The following NXN variants were observed in gnomAD, a reference collection of about 807,000 sequenced individuals.
NXN encodes the protein nucleoredoxin 1.
NXN carries 16 observed loss-of-function variants against 48.6 expected under a neutral mutation model. The observed-to-expected ratio is 0.33, with a 90% CI of 0.22 to 0.50. The LOEUF is 0.50. Ranked by LOEUF, NXN falls within the 20% of genes least tolerant of loss-of-function variation. The probability of loss-of-function intolerance (pLI) is 0.98; values close to 1 mark genes in which losing one functional copy is unlikely to be tolerated. For synonymous variants in NXN, 281 were observed against 269.6 expected (o/e 1.04, Z -0.41); for missense variants, 492 against 605.5 (o/e 0.81, Z 1.97).
At chr17:970,374 CT>C (rs2069359677) in intron 1 of NXN, among the ~76,000 whole-genome samples, 1 of 151,410 alleles carries the variant, frequency 6.6e-6, no homozygotes, top group Non-Finnish European at 1.5e-5. Flanking sequence ...AGCCTGCAGG[CT>C]TTCCGTAGGA....
At chr17:934,289 CA>C (rs1419188209) in intron 1 of NXN, among the ~76,000 whole-genome samples, 6 of 151,500 alleles carry the variant, frequency 4.0e-5, no homozygotes, top group African/African-American at 1.5e-4. Flanking sequence ...ACTAAAAATA[CA>C]AAAAAATTAG....
At chr17:862,465 A>G (rs1009973012) in intron 1 of NXN, among the ~76,000 whole-genome samples, 7 of 152,244 alleles carry the variant, frequency 4.6e-5, no homozygotes, top group Non-Finnish European at 1.0e-4. Flanking sequence ...TAGAGGCTAC[A>G]GCGAGCTATG....
chr17:855,673 A>G (rs1246970893), intron 1 of NXN, among the ~76,000 whole-genome samples: 3 of 152,182 alleles, frequency 2.0e-5, no homozygotes, highest in African/African-American at 2.4e-5. Flanking sequence ...GATACCCACA[A>G]ATGTTTAGCT....
At chr17:928,785 G>A (rs1464981614) in intron 1 of NXN, among the ~76,000 whole-genome samples, 1 of 152,108 alleles carries the variant, frequency 6.6e-6, no homozygotes, top group Non-Finnish European at 1.5e-5. Flanking sequence ...GCAGTGAGCC[G>A]AGATCATGCC....
chr17:926,347 C>G (rs898229238), intron 1 of NXN, among the ~76,000 whole-genome samples: 1 of 151,904 alleles, frequency 6.6e-6, no homozygotes, highest in Non-Finnish European at 1.5e-5. Flanking sequence ...CCACTACACC[C>G]GGCTAATTTT....
At chr17:947,636 G>A (rs1213198576) in intron 1 of NXN, among the ~76,000 whole-genome samples, 2 of 151,570 alleles carry the variant, frequency 1.3e-5, no homozygotes, top group Non-Finnish European at 2.9e-5. Context: ...GGGAGGCTGA[G>A]GCAGGGGAAC....
intron 1 of NXN, among the ~76,000 whole-genome samples, chr17:904,873 GA>G (rs1430694821): frequency 6.6e-6 from 1 of 152,096 alleles, no homozygotes; most frequent in Non-Finnish European, 1.5e-5. Context: ...GGTAAGGGAA[GA>G]ATACACATCT....
At chr17:839,345 G>A (rs753450668) in intron 1 of NXN, among the ~76,000 whole-genome samples, 12 of 152,064 alleles carry the variant, frequency 7.9e-5, no homozygotes, top group Non-Finnish European at 1.3e-4. Context: ...TGAGACAGGA[G>A]AATCGCTTGA....
chr17:841,445 C>CT (rs372878332), intron 1 of NXN, among the ~76,000 whole-genome samples: 332 of 29,834 alleles, frequency 0.011, 7 homozygotes, highest in East Asian at 0.041. Flanking sequence ...CGAGCAGGTC[C>CT]CCCTGACCAC....
chr17:840,023 A>C (rs898591466), intron 1 of NXN, among the ~76,000 whole-genome samples: 2 of 149,782 alleles, frequency 1.3e-5, no homozygotes, highest in Admixed American at 6.7e-5. Flanking sequence ...CTTTAACCCA[A>C]GAGGTGGAGG....
intron 1 of NXN, among the ~76,000 whole-genome samples, chr17:940,135 G>C (rs2068954794): frequency 6.6e-6 from 1 of 151,332 alleles, no homozygotes; most frequent in Non-Finnish European, 1.5e-5. Context: ...GATCGAGGTG[G>C]GGGGGTCTCA....
intron 1 of NXN, among the ~76,000 whole-genome samples, chr17:948,166 T>C (rs1042040654): frequency 6.6e-6 from 1 of 152,142 alleles, no homozygotes; most frequent in African/African-American, 2.4e-5. Context: ...GTATTAGATG[T>C]ATTAGGTATT....
chr17:852,165 C>G (rs1317023459), intron 1 of NXN, among the ~76,000 whole-genome samples: 1 of 152,256 alleles, frequency 6.6e-6, no homozygotes, highest in Non-Finnish European at 1.5e-5. Context: ...CTAGAAGGCT[C>G]TTGGCCAAAC....
chr17:887,410 A>G (rs1280196658), intron 1 of NXN, among the ~76,000 whole-genome samples: 2 of 152,080 alleles, frequency 1.3e-5, no homozygotes, highest in Admixed American at 1.3e-4. Flanking sequence ...CTTGTCACCA[A>G]CTTGGGAAGC....
chr17:869,774 C>T (rs917611889), intron 1 of NXN, among the ~76,000 whole-genome samples: 4 of 152,220 alleles, frequency 2.6e-5, no homozygotes, highest in African/African-American at 7.2e-5. Flanking sequence ...TCTGCTCGTT[C>T]GTGTTCCACG....
chr17:895,536 G>C (rs2068469700), intron 1 of NXN, among the ~76,000 whole-genome samples: 1 of 151,776 alleles, frequency 6.6e-6, no homozygotes, highest in South Asian at 2.1e-4. Flanking sequence ...AATGTGGCCG[G>C]GCGCAGTGGC....
At position 905,270 on chromosome 17, in the gene NXN, T is replaced by TATATATATATATATATAGATAG. The variant is rs1488360942; in HGVS notation, c.360+74048_360+74049insCTATCTATATATATATATATAT. 2.1e-4 allele frequency: 31 copies of TATATATATATATATATAGATAG among 149,380 alleles called. 1 individual carries two copies. Among genetic ancestry groups the TATATATATATATATATAGATAG allele is most frequent in the Non-Finnish European group, 4.6e-4 (31 of 67,294 alleles). 9.3% of individuals were successfully genotyped at this position (149,380 alleles called of 1,614,324 possible). On this transcript the variant is annotated intron_variant, in intron 1 of 7. Coordinates refer to ENST00000336868, the MANE Select transcript of NXN (RefSeq NM_022463.5). ...GTAAATGTAAATATATATATATATA[T>TATATATATATATATATAGATAG]ATAGATGCCGGGCATGGTAATGCAC...
At chr17:809,782 G>A (rs1291020586) in intron 5 of NXN, among the ~76,000 whole-genome samples, 5 of 96,726 alleles carry the variant, frequency 5.2e-5, no homozygotes, top group East Asian at 3.9e-4. Flanking sequence ...AAAAACTGCC[G>A]AGCGCACAGT....
At chr17:890,570 T>C (rs553843324) in intron 1 of NXN, among the ~76,000 whole-genome samples, 5 of 146,116 alleles carry the variant, frequency 3.4e-5, no homozygotes, top group South Asian at 2.1e-4. Flanking sequence ...TTAGTAGAGA[T>C]GGGGTTTTCA....
Sources: allele counts gnomAD v4.1 joint callset (sites outside exome capture counted in the v4.1 genomes callset), GRCh38; gene constraint gnomAD v4.1.1; transcripts MANE v1.5; gene names NCBI Gene and HGNC (gene_info 2026-07-23, HGNC 2026-07-21).